ZNF536: variants seen among roughly 807,000 people sequenced by gnomAD.
The protein encoded by ZNF536 is zinc finger protein 536.
In ZNF536, 13 loss-of-function variants were observed where a neutral mutation model predicts 84.5. The ratio of observed to expected loss-of-function variants is 0.15; its 90% CI spans 0.10 to 0.24. ZNF536 has a LOEUF of 0.24. Ranked by LOEUF, ZNF536 falls within the 10% of genes least tolerant of loss-of-function variation. The pLI is 1.00. For synonymous variants in ZNF536, 811 were observed against 742.5 expected (o/e 1.09, Z -1.50); for missense variants, 1,536 against 1,747.5 (o/e 0.88, Z 2.16).
At chr19:30,597,228 C>A (rs979879901) in intron 1 of ZNF536, among the ~76,000 whole-genome samples, 29 of 152,192 alleles carry the variant, frequency 1.9e-4, no homozygotes, top group Non-Finnish European at 4.0e-4. Context: ...TGAGTCGCTG[C>A]TATTTAGGTC....
At chr19:30,306,346 G>T (rs1020715194) in intron 2 of ZNF536, among the ~76,000 whole-genome samples, 1 of 151,956 alleles carries the variant, frequency 6.6e-6, no homozygotes, top group African/African-American at 2.4e-5. Flanking sequence ...CTATTTCCTG[G>T]CTGAATATCT....
At chr19:30,678,667 G>A (rs575561072) in intron 1 of ZNF536, among the ~76,000 whole-genome samples, 1 of 152,272 alleles carries the variant, frequency 6.6e-6, no homozygotes, top group Non-Finnish European at 1.5e-5. Flanking sequence ...GGAGCCTTGG[G>A]AGAAATCAGA....
At chr19:30,360,924 T>A (rs968523609) in intron 3 of ZNF536, among the ~76,000 whole-genome samples, 1 of 152,228 alleles carries the variant, frequency 6.6e-6, no homozygotes, top group African/African-American at 2.4e-5. Context: ...TAAACTGCTG[T>A]TTCCTGTCCT....
chr19:30,657,102 GTCC>G (rs2049941665), intron 1 of ZNF536, among the ~76,000 whole-genome samples: 1 of 152,102 alleles, frequency 6.6e-6, no homozygotes, highest in Non-Finnish European at 1.5e-5. Flanking sequence ...CTCAAACTAT[GTCC>G]CTGCGTTTTC....
chr19:30,656,675 G>C, intron 1 of ZNF536, among the ~76,000 whole-genome samples: 1 of 152,206 alleles, frequency 6.6e-6, no homozygotes, highest in East Asian at 1.9e-4. Flanking sequence ...TGTCTACTTT[G>C]GCTGTGTCCC....
chr19:30,374,634 G>T (rs942398692), intron 1 of ZNF536, among the ~76,000 whole-genome samples: 2 of 152,250 alleles, frequency 1.3e-5, no homozygotes, highest in East Asian at 3.9e-4. Context: ...AAAGACAAAG[G>T]GGGTAATTTT....
intron 2 of ZNF536, among the ~76,000 whole-genome samples, chr19:30,297,359 A>AT (rs1220396133): frequency 3.9e-5 from 6 of 152,140 alleles, no homozygotes; most frequent in Admixed American, 6.5e-5. Flanking sequence ...GTTTAACAGA[A>AT]TTTCTACTTA....
At chr19:30,454,093 T>C (rs2148344121) in intron 2 of ZNF536, among the ~76,000 whole-genome samples, 1 of 152,364 alleles carries the variant, frequency 6.6e-6, no homozygotes, top group African/African-American at 2.4e-5. Flanking sequence ...CAGGGTCATT[T>C]TCCAGCTTTT....
At chr19:30,384,214 C>CCAT (rs1568378447) in intron 1 of ZNF536, among the ~76,000 whole-genome samples, 2 of 14,270 alleles carry the variant, frequency 1.4e-4, no homozygotes, top group Non-Finnish European at 2.7e-4. Context: ...CATCCTCCCT[C>CCAT]CCTCCCTCCC....
downstream of ZNF536, among the ~76,000 whole-genome samples, chr19:30,561,234 CT>C (rs1307403335): frequency 2.0e-5 from 3 of 152,140 alleles, no homozygotes; most frequent in African/African-American, 7.2e-5. Flanking sequence ...GGACAAGTTG[CT>C]TTTTTCTTGA....
Position 30,548,408 on chromosome 19 carries a change from TGAA to T in ZNF536, c.2794_2796del (p.Lys932del). ...ATGGACAGTTTTGTCCTCAGTTCCTTGAAGAAGGAGAAGGACATGAAGGACAAA... is the reference window on the plus strand; with the variant it reads ...ATGGACAGTTTTGTCCTCAGTTCCTTGAAGGAGAAGGACATGAAGGACAAA... On this transcript the variant is annotated inframe_deletion, in exon 4 of 5. Coordinates refer to ENST00000355537, the MANE Select transcript of ZNF536 (RefSeq NM_014717.3). 6.2e-7 allele frequency: 1 copy of T among 1,614,114 alleles called. No individual in the cohort carries two copies. Among genetic ancestry groups the T allele is most frequent in the Non-Finnish European group, 8.5e-7 (1 of 1,180,022 alleles).
chr19:30,471,788 G>A (rs1280779087), intron 2 of ZNF536, among the ~76,000 whole-genome samples: 1 of 152,246 alleles, frequency 6.6e-6, no homozygotes, highest in Non-Finnish European at 1.5e-5. Context: ...GGTTGGGTGT[G>A]TGCAGGAGCC....
chr19:30,264,472 G>C (rs1280199490), intron 1 of ZNF536, among the ~76,000 whole-genome samples: 1 of 150,962 alleles, frequency 6.6e-6, no homozygotes, highest in Non-Finnish European at 1.5e-5. Flanking sequence ...TTCAGGGCCA[G>C]AGACAAAATG....
intron 1 of ZNF536, among the ~76,000 whole-genome samples, chr19:30,663,611 T>A (rs1266819686): frequency 1.3e-5 from 2 of 152,218 alleles, no homozygotes; most frequent in African/African-American, 2.4e-5. Context: ...AAGCTGTTTC[T>A]AATCTATTTT....
At chr19:30,635,958 C>T (rs2049050180) in intron 1 of ZNF536, among the ~76,000 whole-genome samples, 1 of 152,234 alleles carries the variant, frequency 6.6e-6, no homozygotes, top group African/African-American at 2.4e-5. Context: ...ATGGGTGCCC[C>T]CAGAGGATGA....
At chr19:30,496,594 G>A (rs1480382594) in intron 2 of ZNF536, among the ~76,000 whole-genome samples, 1 of 152,152 alleles carries the variant, frequency 6.6e-6, no homozygotes, top group Non-Finnish European at 1.5e-5. Context: ...ATGTCTTATT[G>A]CATTGCTGTC....
At chr19:30,569,556 G>GTTTTTT (rs1193738249) in intron 1 of ZNF536, among the ~76,000 whole-genome samples, 2 of 80,440 alleles carry the variant, frequency 2.5e-5, no homozygotes, top group African/African-American at 4.9e-5. Flanking sequence ...CCAGATAAAC[G>GTTTTTT]TTCTTTTTTT....
chr19:30,227,287 T>A (rs2022666395), upstream of ZNF536, among the ~76,000 whole-genome samples: 1 of 152,058 alleles, frequency 6.6e-6, no homozygotes. Flanking sequence ...CACTTCTGTA[T>A]TGTGAGTGGT....
chr19:30,276,855 GTTT>G (rs35063663), intron 1 of ZNF536, among the ~76,000 whole-genome samples: 9 of 149,984 alleles, frequency 6.0e-5, no homozygotes, highest in South Asian at 2.1e-4. Context: ...TTGTCTTCAT[GTTT>G]TTTTTTTTTA....
Sources: allele counts gnomAD v4.1 joint callset (sites outside exome capture counted in the v4.1 genomes callset), GRCh38; gene constraint gnomAD v4.1.1; transcripts MANE v1.5; gene names NCBI Gene and HGNC (gene_info 2026-07-23, HGNC 2026-07-21).